SLC26A9: variants seen among roughly 807,000 people sequenced by gnomAD.
SLC26A9 encodes the protein solute carrier family 26 member 9.
In SLC26A9, 46 loss-of-function variants were observed where a neutral mutation model predicts 87.1. The ratio of observed to expected loss-of-function variants is 0.53; its 90% CI spans 0.42 to 0.67. The LOEUF is 0.67. SLC26A9 is among the 30% of genes least tolerant of loss of function. The pLI is 0.00. For missense variants in SLC26A9, 927 were observed against 1,018.3 expected, an observed-to-expected ratio of 0.91 and a Z score of 1.22; for synonymous variants, 437 against 409.1, an observed-to-expected ratio of 1.07 and a Z score of -0.82.
rs138751886 is a variant in SLC26A9 at position 205,915,065 on chromosome 1, G to A, written c.*292C>T. 23 of 1,614,090 alleles carry A rather than the reference G, an allele frequency of 1.4e-5. No homozygotes were observed. The highest frequency in any genetic ancestry group is 1.7e-5 in the Admixed American group (1 of 60,002). ...GCTGCCAAGGACAGGGCAGAGGTGG[G>A]TGGGGTGGAGTGAGCAGGAGGCTTG... On this transcript the variant is annotated 3_prime_UTR_variant, in exon 21 of 21. Coordinates refer to ENST00000367135, the MANE Select transcript of SLC26A9 (RefSeq NM_052934.4).
At chr1:205,941,358 G>A (rs1164849971) in intron 1 of SLC26A9, among the ~76,000 whole-genome samples, 1 of 152,086 alleles carries the variant, frequency 6.6e-6, no homozygotes, top group East Asian at 1.9e-4. Context: ...TTTTAGTAGA[G>A]ACGGGGTTTC....
At chr1:205,924,322 C>T in intron 13 of SLC26A9, 61 bp downstream of exon 13, 1 of 1,503,156 alleles carries the variant, frequency 6.7e-7, no homozygotes, top group Non-Finnish European at 9.2e-7. Flanking sequence ...GCATGGAAGC[C>T]CTTTGCGGGC....
chr1:205,941,157 G>T (rs1465224264), intron 1 of SLC26A9, among the ~76,000 whole-genome samples: 1 of 152,038 alleles, frequency 6.6e-6, no homozygotes, highest in Admixed American at 6.5e-5. Flanking sequence ...TTTTTTGTTT[G>T]TTTGTTTTGT....
chr1:205,932,674 C>T lies in SLC26A9; in HGVS notation c.376+28G>A, dbSNP rs1452288192. 2.6e-6 allele frequency: 4 copies of T among 1,516,326 alleles called. No individual in the cohort carries two copies. In the South Asian group the frequency reaches 5.4e-5, roughly 20 times the overall value. 93.9% of individuals were successfully genotyped at this position (1,516,326 alleles called of 1,614,324 possible). ...TCCCATCCTTGGGGTCTGGGTCATC[C>T]TGCCTGCCCAGAGGGGAGAGGCCTT... is the stretch of plus-strand genomic sequence containing the variant. On this transcript the variant is annotated intron_variant, in intron 4 of 20. Coordinates refer to ENST00000367135, the MANE Select transcript of SLC26A9 (RefSeq NM_052934.4).
chr1:205,923,644 A>AGAATG, intron 13 of SLC26A9, 31 bp from the exon 14 acceptor site: 1 of 1,613,836 alleles, frequency 6.2e-7, no homozygotes, highest in Non-Finnish European at 8.5e-7. Flanking sequence ...AAAACATAAG[A>AGAATG]GAATGCTAAT....
chr1:205,923,697 G>A (rs982562900), intron 13 of SLC26A9, 84 bp from the exon 14 acceptor site: 3 of 1,486,202 alleles, frequency 2.0e-6, no homozygotes, highest in Non-Finnish European at 2.8e-6. Flanking sequence ...GGCGGGGGCA[G>A]AGCCAAGGTA....
chr1:205,932,125 AG>A (rs1447728084), intron 4 of SLC26A9, 90 bp from the exon 5 acceptor site: 159 of 1,488,118 alleles, frequency 1.1e-4, no homozygotes, highest in Non-Finnish European at 1.4e-4. Context: ...TCCCGACCCC[AG>A]GGGGATGGAT....
Position 205,931,969 on chromosome 1 carries a change from A to G in SLC26A9, c.443T>C (p.Phe148Ser). The G allele has an allele frequency of 6.2e-7, 1 of 1,614,172 alleles. No homozygotes were observed. Among genetic ancestry groups the G allele is most frequent in the Non-Finnish European group, 8.5e-7 (1 of 1,180,032 alleles). Residue 148 changes from phenylalanine (F) to serine (S), a missense_variant, in exon 5 of 21, where the codon TTC (phenylalanine) becomes TCC (serine). Phe to Ser is a radical substitution (Grantham distance 155). Transcript: ENST00000367135. Reference protein sequence around the residue: ...ICLQLAPESKFQVFNNATNES... With the variant: ...ICLQLAPESKSQVFNNATNES... Reference sequence around the variant, plus strand: ...ATTGGTGGCATTGTTGAAGACCTGGAATTTCGACTCTGGGGCCAGCTGCAG... The same window carrying G: ...ATTGGTGGCATTGTTGAAGACCTGGGATTTCGACTCTGGGGCCAGCTGCAG...
intron 1 of SLC26A9, among the ~76,000 whole-genome samples, chr1:205,941,883 C>T (rs756005454): frequency 1.1e-4 from 17 of 152,202 alleles, no homozygotes; most frequent in Non-Finnish European, 1.8e-4. Context: ...GGAAGCAGGG[C>T]CTGGGCAAGG....
intron 12 of SLC26A9, among the ~76,000 whole-genome samples, chr1:205,925,190 C>G (rs1325702664): frequency 6.6e-6 from 1 of 152,192 alleles, no homozygotes; most frequent in South Asian, 2.1e-4. Context: ...ACGGTCCTAG[C>G]CTAGTGATGG....
intron 1 of SLC26A9, among the ~76,000 whole-genome samples, chr1:205,937,668 G>A (rs1188960928): frequency 1.3e-5 from 2 of 152,154 alleles, no homozygotes; most frequent in Non-Finnish European, 2.9e-5. Context: ...ACTATTCAGA[G>A]GCTGCCGGCC....
intron 20 of SLC26A9, among the ~76,000 whole-genome samples, 183 bp downstream of exon 20, chr1:205,917,097 TAAA>T (rs397957046): frequency 8.1e-5 from 9 of 111,008 alleles, no homozygotes; most frequent in African/African-American, 2.5e-4. Flanking sequence ...TGTCTCAAAT[TAAA>T]AAAAAAAAAA....
intron 16 of SLC26A9, 22 bp downstream of exon 16, chr1:205,923,060 G>T: frequency 6.2e-7 from 1 of 1,607,062 alleles, no homozygotes; most frequent in Non-Finnish European, 8.5e-7. Flanking sequence ...AGGGCACGGG[G>T]CTGCTTCTGG....
intron 19 of SLC26A9, among the ~76,000 whole-genome samples, chr1:205,917,866 T>TGA (rs1179545050): frequency 2.0e-5 from 3 of 152,192 alleles, no homozygotes; most frequent in African/African-American, 4.8e-5. Context: ...CTAGAGTAGC[T>TGA]GAACATGATT....
chr1:205,917,344 T>TC lies in SLC26A9; in HGVS notation c.2266dup (p.Asp756GlyfsTer3). The stretch of plus-strand genomic sequence containing the variant: ...TGAGTCGTACAAGGAGAGCTCAGCA[T>TC]CCCCTGGAGCCTGGAAGGGAGGAAG... On this transcript the variant is annotated frameshift_variant, in exon 20 of 21. Transcript: ENST00000367135. LOFTEE classifies it high-confidence loss of function. 3.1e-6 allele frequency: 5 copies of TC among 1,613,916 alleles called. No individual in the cohort carries two copies. Among genetic ancestry groups the TC allele is most frequent in the Non-Finnish European group, 4.2e-6 (5 of 1,179,952 alleles).
At chr1:205,918,541 T>C (rs962655866) in intron 19 of SLC26A9, among the ~76,000 whole-genome samples, 1 of 152,214 alleles carries the variant, frequency 6.6e-6, no homozygotes, top group African/African-American at 2.4e-5. Flanking sequence ...TTTGGGTGTT[T>C]GTGCAACCAG....
intron 19 of SLC26A9, among the ~76,000 whole-genome samples, chr1:205,918,384 T>C (rs1244802833): frequency 6.6e-6 from 1 of 152,166 alleles, no homozygotes; most frequent in Non-Finnish European, 1.5e-5. Flanking sequence ...AATCTCTTTA[T>C]CCCTCACCAG....
intron 1 of SLC26A9, among the ~76,000 whole-genome samples, chr1:205,942,450 G>A (rs1010866318): frequency 6.6e-6 from 1 of 152,238 alleles, no homozygotes; most frequent in Non-Finnish European, 1.5e-5. Flanking sequence ...GGGGGGCTGC[G>A]TCACTCCAGG....
chr1:205,940,806 TC>T (rs1659708705), intron 1 of SLC26A9, among the ~76,000 whole-genome samples: 1 of 152,114 alleles, frequency 6.6e-6, no homozygotes, highest in African/African-American at 2.4e-5. Context: ...CTCAGTCCTG[TC>T]GGGGGTGTGC....
Sources: allele counts gnomAD v4.1 joint callset (sites outside exome capture counted in the v4.1 genomes callset), GRCh38; gene constraint gnomAD v4.1.1; transcripts MANE v1.5; gene names NCBI Gene and HGNC (gene_info 2026-07-23, HGNC 2026-07-21).